The following USP14 variants were observed in gnomAD, a reference collection of about 807,000 sequenced individuals.
USP14 encodes the protein ubiquitin specific peptidase 14, also known as ubiquitin carboxyl-terminal hydrolase 14.
USP14 carries 38 observed loss-of-function variants against 76.5 expected under a neutral mutation model. The observed-to-expected ratio is 0.50, with a 90% confidence interval of 0.38 to 0.65. The LOEUF (loss-of-function observed/expected upper bound fraction) is 0.65. Ranked by LOEUF, USP14 falls within the 30% of genes least tolerant of loss-of-function variation. The pLI, the probability that USP14 is intolerant of heterozygous loss-of-function variation, is 0.00. For synonymous variants in USP14, 192 were observed against 191.7 expected (o/e 1.00, Z -0.01); for missense variants, 467 against 586.5 (o/e 0.80, Z 2.10).
Position 209,973 on chromosome 18 carries a change from T to G in USP14, c.1167T>G (p.Ser389Arg), listed in dbSNP as rs549769322. The G allele has an allele frequency of 1.9e-6, 3 of 1,598,042 alleles. No homozygotes were observed. Among genetic ancestry groups the G allele is most frequent in the Non-Finnish European group, 2.6e-6 (3 of 1,173,848 alleles). ...DKKVNQQPNT[S>R]DKKSSPQKEV... ...ATTAAACATTTTTTTCTCCTCAGAG[T>G]GACAAAAAGAGTAGTCCCCAGAAAG... is the stretch of plus-strand genomic sequence containing the variant. Residue 389 changes from serine to arginine, a missense_variant and splice_region_variant, in exon 14 of 16, where the codon AGT becomes AGG. Transcript: ENST00000261601.
At position 171,025 on chromosome 18, in the gene USP14, AATATATATAT is replaced by A. The variant is rs57888885; in HGVS notation, c.195+4228_195+4237del. Reference sequence around the variant, plus strand: ...CCTGGAACTTAAAAAAAAAAAAAAAAATATATATATATATATATATATATATATATAAACT... The same window carrying A: ...CCTGGAACTTAAAAAAAAAAAAAAAAATATATATATATATATATATAAACT... On this transcript the variant is annotated intron_variant, in intron 3 of 15. Coordinates refer to ENST00000261601, the MANE Select transcript of USP14 (RefSeq NM_005151.4). 9.7e-4 allele frequency among the ~76,000 whole-genome samples: 46 copies of A among 47,650 alleles called. 2 individuals carry two copies. The highest frequency in any genetic ancestry group is 7.4e-3 in the East Asian group (8 of 1,088). The allele number at this position is 47,650 out of a possible 152,430, so 31.3% of individuals were successfully genotyped here.
rs144919318 is a variant in USP14, at chr18:192,058, A to G, written c.405-784A>G. Among the ~76,000 whole-genome samples, 369 of 152,372 alleles carry G rather than the reference A, an allele frequency of 2.4e-3. 3 individuals are homozygous for G. The highest frequency in any genetic ancestry group is 8.4e-3 in the African/African-American group (350 of 41,588). On this transcript the variant is annotated intron_variant, in intron 5 of 15. Coordinates refer to ENST00000261601, the MANE Select transcript of USP14 (RefSeq NM_005151.4). ...AAAGTGAATTTAGAAATCATTTAAT[A>G]GAAGCTTCTCAGTTTACAGATGAGC...
At position 211,246 on chromosome 18, in the gene USP14, C is replaced by T. The variant is rs752441858; in HGVS notation, c.1447C>T (p.Arg483Cys). ...CGCTTACGTTCTACTCTATGGGCCTCGCAGAGTTGAAATAATGGAAGAGGA... is the reference window on the plus strand; with the variant it reads ...CGCTTACGTTCTACTCTATGGGCCTTGCAGAGTTGAAATAATGGAAGAGGA... Reference protein sequence around the residue: ...HIAYVLLYGPRRVEIMEEESE... With the variant: ...HIAYVLLYGPCRVEIMEEESE... The change falls in exon 16 of 16, where the codon CGC (arginine) becomes TGC (cysteine). Residue 483 changes from arginine to cysteine, a missense_variant. Arg to Cys is a radical substitution (Grantham distance 180). Coordinates refer to ENST00000261601, the MANE Select transcript of USP14 (RefSeq NM_005151.4). The T allele has an allele frequency of 6.1e-5, 99 of 1,612,166 alleles. No homozygotes were observed. The highest frequency in any genetic ancestry group is 1.2e-4 in the Admixed American group (7 of 59,792).
intron 9 of USP14, 39 bp from the exon 10 acceptor site, chr18:199,163 G>A: frequency 7.6e-7 from 1 of 1,308,102 alleles, no homozygotes; most frequent in Non-Finnish European, 1.1e-6. Context: ...ATAACAAATT[G>A]AATACCCGTT....
intron 4 of USP14, among the ~76,000 whole-genome samples, chr18:179,409 T>C (rs1219354854): frequency 6.6e-6 from 1 of 152,046 alleles, no homozygotes; most frequent in African/African-American, 2.4e-5. Context: ...GGTCAAAGAG[T>C]AGTTTAAATG....
chr18:214,185 A>G lies in USP14; in HGVS notation c.*2901A>G, dbSNP rs1910775654. The G allele has an allele frequency of 6.2e-6, 1 of 160,230 alleles. No homozygotes were observed. Among genetic ancestry groups the G allele is most frequent in the Admixed American group, 6.1e-5 (1 of 16,416 alleles). The allele number at this position is 160,230 out of a possible 1,614,324, so 9.9% of individuals were successfully genotyped here. On this transcript the variant is annotated 3_prime_UTR_variant, in exon 16 of 16. Transcript: ENST00000261601. ...GATCAAGACTCGTGGCAGGCAGAAC[A>G]AACCATCATTTGTTGATCCTCTGCT... is the stretch of plus-strand genomic sequence containing the variant.
At position 201,400 on chromosome 18, in the gene USP14, T is replaced by A. The variant is rs568176810; in HGVS notation, c.877-1480T>A. On this transcript the variant is annotated intron_variant, in intron 10 of 15. Coordinates refer to ENST00000261601, the MANE Select transcript of USP14 (RefSeq NM_005151.4). Reference sequence around the variant, plus strand: ...AAACACTGAAGTGGGACATGGATTATGTTGATAAACAAGATGATTTGTTAT... The same window carrying A: ...AAACACTGAAGTGGGACATGGATTAAGTTGATAAACAAGATGATTTGTTAT... Among the ~76,000 whole-genome samples the A allele has an allele frequency of 6.7e-4, 102 of 152,330 alleles. 1 individual carries two copies. The highest frequency in any genetic ancestry group is 2.3e-3 in the African/African-American group (95 of 41,572).
At chr18:184,751 G>C (rs1010329419) in intron 5 of USP14, among the ~76,000 whole-genome samples, 1 of 152,140 alleles carries the variant, frequency 6.6e-6, no homozygotes, top group African/African-American at 2.4e-5. Flanking sequence ...CTGGGTAATA[G>C]AGTGAGGCCC....
chr18:191,631 C>T (rs1423440319), intron 5 of USP14, among the ~76,000 whole-genome samples: 1 of 152,158 alleles, frequency 6.6e-6, no homozygotes, highest in Non-Finnish European at 1.5e-5. Flanking sequence ...TTAGTTTGCA[C>T]ATTCTGAAAC....
chr18:185,654 G>C (rs899939482), intron 5 of USP14, among the ~76,000 whole-genome samples: 3 of 151,704 alleles, frequency 2.0e-5, no homozygotes, highest in East Asian at 1.9e-4. Flanking sequence ...CTTTTTTTTA[G>C]CTTTTTGAGG....
chr18:189,547 A>T (rs941038223), intron 5 of USP14, among the ~76,000 whole-genome samples: 4 of 152,010 alleles, frequency 2.6e-5, no homozygotes, highest in African/African-American at 9.7e-5. Context: ...CAGTGGCACA[A>T]TCTCGGCTCA....
rs186213235 is a variant in USP14, at chr18:169,315, C to G, written c.195+2496C>G. Among the ~76,000 whole-genome samples, 95 of 133,764 alleles carry G rather than the reference C, an allele frequency of 7.1e-4. 1 individual carries two copies. The East Asian group carries it at 0.017, about 24-fold the overall frequency. 87.8% of individuals were successfully genotyped at this position (133,764 alleles called of 152,430 possible). A position where few individuals can be genotyped will look rare whatever the true frequency, so the allele number is the denominator to read the frequency against. ...GGCGGAGGTTGCAGTGAGCTGAGAT[C>G]ACACCACTGCACTCCAACCTGGGCA... On this transcript the variant is annotated intron_variant, in intron 3 of 15. Coordinates refer to ENST00000261601, the MANE Select transcript of USP14 (RefSeq NM_005151.4).
intron 1 of USP14, among the ~76,000 whole-genome samples, chr18:159,874 G>A (rs1446434184): frequency 1.3e-5 from 2 of 152,074 alleles, no homozygotes; most frequent in Non-Finnish European, 2.9e-5. Flanking sequence ...CCAAATGAAG[G>A]AACTCAAGTA....
chr18:185,897 T>C (rs1909916483), intron 5 of USP14, among the ~76,000 whole-genome samples: 1 of 148,064 alleles, frequency 6.8e-6, no homozygotes, highest in South Asian at 2.1e-4. Context: ...AGACAAGAGA[T>C]GGCTATGTTG....
chr18:203,829 A>C (rs984337794), intron 12 of USP14, among the ~76,000 whole-genome samples: 1 of 151,778 alleles, frequency 6.6e-6, no homozygotes, highest in Non-Finnish European at 1.5e-5. Context: ...CAATCTCCTG[A>C]CCTCTTGATC....
chr18:208,069 G>C (rs1170153556), intron 13 of USP14, among the ~76,000 whole-genome samples: 1 of 151,362 alleles, frequency 6.6e-6, no homozygotes, highest in Admixed American at 6.6e-5. Context: ...TTTACTTTCA[G>C]GAGTTTTATT....
intron 6 of USP14, 82 bp from the exon 7 acceptor site, chr18:196,555 T>G (rs1910241813): frequency 3.4e-6 from 5 of 1,468,436 alleles, no homozygotes; most frequent in Non-Finnish European, 3.6e-6. Context: ...AGTTTTTGTT[T>G]GTATTAATTA....
intron 3 of USP14, among the ~76,000 whole-genome samples, chr18:172,257 G>A (rs1364377312): frequency 6.6e-6 from 1 of 152,018 alleles, no homozygotes; most frequent in African/African-American, 2.4e-5. Context: ...AAAAAGAATA[G>A]AAAAATGGAG....
In USP14 at chr18:211,394, C is replaced by G; in HGVS notation, c.*110C>G. On this transcript the variant is annotated 3_prime_UTR_variant, in exon 16 of 16. Coordinates refer to ENST00000261601, the MANE Select transcript of USP14 (RefSeq NM_005151.4). ...ACATAGGTGGGTTTATGTTTCACCTCATTTGGAACAAAAGAGGACAGAAGC... is the reference window on the plus strand; with the variant it reads ...ACATAGGTGGGTTTATGTTTCACCTGATTTGGAACAAAAGAGGACAGAAGC... 4.2e-6 allele frequency: 5 copies of G among 1,190,826 alleles called. No homozygotes were observed. The highest frequency in any genetic ancestry group is 5.8e-6 in the Non-Finnish European group (5 of 867,204). The allele number at this position is 1,190,826 out of a possible 1,614,324, so 73.8% of individuals were successfully genotyped here.
Sources: allele counts gnomAD v4.1 joint callset (sites outside exome capture counted in the v4.1 genomes callset), GRCh38; gene constraint gnomAD v4.1.1; transcripts MANE v1.5; gene names NCBI Gene and HGNC (gene_info 2026-07-23, HGNC 2026-07-21).